Variants in MAGI2 observed in about 807,000 individuals in gnomAD.
MAGI2 encodes the protein membrane-associated guanylate kinase, WW and PDZ domain-containing protein 2.
MAGI2 carries 35 observed loss-of-function variants against 133.3 expected under a neutral mutation model. The ratio of observed to expected loss-of-function variants is 0.26; its 90% CI spans 0.20 to 0.35. The LOEUF is 0.35. MAGI2 is among the 10% of genes least tolerant of loss of function. The pLI is 1.00. For missense variants in MAGI2, 1,636 were observed against 1,863.4 expected (o/e 0.88, Z 2.25); for synonymous variants, 729 against 710.6 (o/e 1.03, Z -0.41).
chr7:78,162,577 T>A (rs1206275035), intron 15 of MAGI2, among the ~76,000 whole-genome samples: 1 of 150,188 alleles, frequency 6.7e-6, no homozygotes, highest in African/African-American at 2.5e-5. Context: ...GTCTTTGCAG[T>A]AAAAGGCTGG....
chr7:78,266,021 G>A (rs1329962977), intron 9 of MAGI2, among the ~76,000 whole-genome samples: 1 of 152,154 alleles, frequency 6.6e-6, no homozygotes, highest in Non-Finnish European at 1.5e-5. Context: ...AGTTCTGACT[G>A]AGCAAGAAAA....
chr7:79,415,787 C>G (rs1252347647), intron 1 of MAGI2: 1 of 152,114 alleles, frequency 6.6e-6, no homozygotes, highest in Non-Finnish European at 1.5e-5. Flanking sequence ...ACCATTGGGT[C>G]TGAATCTGGA....
rs555658566 is a variant in MAGI2, at chr7:79,172,929, A to G, written c.302-165723T>C. ...GTGATATTAATGGTATCTATATTTC[A>G]GGGTTATTTCAAAGAAGATAATACT... On this transcript the variant is annotated intron_variant, in intron 1 of 21. Transcript: ENST00000354212. 4 of 152,212 alleles carry G rather than the reference A, an allele frequency of 2.6e-5. 1 individual carries two copies. The South Asian group carries it at 8.3e-4, about 32-fold the overall frequency. 9.4% of individuals were successfully genotyped at this position (152,212 alleles called of 1,614,324 possible). A position where few individuals can be genotyped will look rare whatever the true frequency, so the allele number is the denominator to read the frequency against.
At chr7:78,276,405 T>C (rs1795060217) in intron 9 of MAGI2, among the ~76,000 whole-genome samples, 1 of 152,166 alleles carries the variant, frequency 6.6e-6, no homozygotes, top group Non-Finnish European at 1.5e-5. Flanking sequence ...TCATTTTAAA[T>C]CTGACAATGC....
At chr7:78,277,553 A>C (rs1459380728) in intron 9 of MAGI2, among the ~76,000 whole-genome samples, 2 of 152,208 alleles carry the variant, frequency 1.3e-5, no homozygotes, top group African/African-American at 4.8e-5. Context: ...AAATGGGGTT[A>C]GCAAGAGAGT....
At chr7:78,946,092 C>T (rs1480778618) in intron 2 of MAGI2, among the ~76,000 whole-genome samples, 4 of 152,140 alleles carry the variant, frequency 2.6e-5, no homozygotes, top group Non-Finnish European at 5.9e-5. Context: ...ATCATATCAT[C>T]TGAGGACCAT....
chr7:79,390,578 A>G (rs1844528371), intron 1 of MAGI2, among the ~76,000 whole-genome samples: 1 of 152,134 alleles, frequency 6.6e-6, no homozygotes, highest in African/African-American at 2.4e-5. Flanking sequence ...TGGTCAGGAA[A>G]AGGTAGAGTG....
intron 1 of MAGI2, among the ~76,000 whole-genome samples, chr7:79,308,406 C>A (rs1295407836): frequency 1.3e-5 from 2 of 152,074 alleles, no homozygotes; most frequent in African/African-American, 2.4e-5. Context: ...CCCTCTGGTG[C>A]AATCTTTGGC....
At chr7:79,063,206 A>G (rs1813942842) in intron 1 of MAGI2, among the ~76,000 whole-genome samples, 1 of 152,052 alleles carries the variant, frequency 6.6e-6, no homozygotes, top group Non-Finnish European at 1.5e-5. Flanking sequence ...CTGCTCTTCC[A>G]ACAGTGTGTT....
intron 8 of MAGI2, chr7:78,345,347 T>A (rs945395592): frequency 2.0e-5 from 3 of 152,480 alleles, no homozygotes; most frequent in African/African-American, 7.2e-5. Context: ...GTGCTTTTAT[T>A]TAGAAGCTCA....
chr7:78,454,648 C>T (rs1789109745), intron 6 of MAGI2, among the ~76,000 whole-genome samples: 1 of 152,058 alleles, frequency 6.6e-6, no homozygotes. Flanking sequence ...TTCATATTTG[C>T]CAAAAACTGG....
chr7:79,069,126 A>G (rs377218557), intron 1 of MAGI2, among the ~76,000 whole-genome samples: 18 of 152,258 alleles, frequency 1.2e-4, no homozygotes, highest in African/African-American at 4.3e-4. Context: ...TGCTTGATCC[A>G]GAGCTGAGTT....
chr7:79,436,616 T>C (rs1848164794), intron 1 of MAGI2, among the ~76,000 whole-genome samples: 1 of 152,120 alleles, frequency 6.6e-6, no homozygotes, highest in Non-Finnish European at 1.5e-5. Context: ...TGACTAATCT[T>C]CAGAGAAATG....
At chr7:79,311,252 G>A (rs572924093) in intron 1 of MAGI2, among the ~76,000 whole-genome samples, 13 of 152,184 alleles carry the variant, frequency 8.5e-5, no homozygotes, top group African/African-American at 2.9e-4. Flanking sequence ...AGGTGTGTCC[G>A]ATCTTTTGGC....
At chr7:79,196,237 A>G (rs765454452) in intron 1 of MAGI2, among the ~76,000 whole-genome samples, 2 of 151,996 alleles carry the variant, frequency 1.3e-5, no homozygotes, top group Non-Finnish European at 2.9e-5. Context: ...AATAAAATTT[A>G]TTCATAGAGT....
chr7:78,151,931 G>T (rs979481283), intron 16 of MAGI2, among the ~76,000 whole-genome samples: 4 of 151,902 alleles, frequency 2.6e-5, no homozygotes, highest in African/African-American at 9.7e-5. Context: ...CAGCCCCATC[G>T]ACATAAATGG....
intron 2 of MAGI2, among the ~76,000 whole-genome samples, chr7:78,794,603 G>GA (rs34085868): frequency 1.5e-3 from 199 of 130,510 alleles, no homozygotes; most frequent in Middle Eastern, 8.1e-3. Context: ...TCATGCAAAA[G>GA]AAAAAAAAAA....
chr7:78,674,904 T>C (rs773410367), intron 2 of MAGI2, among the ~76,000 whole-genome samples: 5 of 152,134 alleles, frequency 3.3e-5, no homozygotes, highest in Admixed American at 6.6e-5. Context: ...GATTTGGCAT[T>C]CCTGAAATAT....
intron 9 of MAGI2, among the ~76,000 whole-genome samples, chr7:78,265,296 G>A (rs1438617372): frequency 1.3e-5 from 2 of 152,126 alleles, no homozygotes; most frequent in Non-Finnish European, 2.9e-5. Flanking sequence ...TGGCAAAGAT[G>A]AAACAACACT....
Sources: allele counts gnomAD v4.1 joint callset (sites outside exome capture counted in the v4.1 genomes callset), GRCh38; gene constraint gnomAD v4.1.1; transcripts MANE v1.5; gene names NCBI Gene and HGNC (gene_info 2026-07-23, HGNC 2026-07-21).